Variants in INTU observed in about 807,000 individuals in gnomAD.
INTU encodes the protein inturned planar cell polarity protein.
Under a neutral mutation model 100.5 loss-of-function variants are expected in INTU, and 68 were observed. That is an observed-to-expected ratio of 0.68 (90% CI 0.56 to 0.83). The LOEUF (loss-of-function observed/expected upper bound fraction) is 0.83, where lower values mean the gene tolerates loss of function less well. INTU is among the 40% of genes least tolerant of loss of function. INTU has a pLI of 0.00. For missense variants in INTU, 1,071 were observed against 1,114.7 expected, an observed-to-expected ratio of 0.96 and a Z score of 0.56; for synonymous variants, 357 against 395.7, an observed-to-expected ratio of 0.90 and a Z score of 1.16.
rs1003704724 is a variant in INTU, at chr4:127,706,362, A to G, written c.1789-125A>G. The G allele has an allele frequency of 6.4e-6, 5 of 776,808 alleles. No individual in the cohort carries two copies. The African/African-American group carries it at 7.0e-5, about 11-fold the overall frequency. The allele number at this position is 776,808 out of a possible 1,614,324, so 48.1% of individuals were successfully genotyped here. On this transcript the variant is annotated intron_variant, in intron 11 of 15. Coordinates refer to ENST00000335251, the MANE Select transcript of INTU (RefSeq NM_015693.4). ...AAGGAAAGATGACGGAGGAATTTTTAATAATCATCACATGATTATGCCATA... is the reference window on the plus strand; with the variant it reads ...AAGGAAAGATGACGGAGGAATTTTTGATAATCATCACATGATTATGCCATA...
intron 2 of INTU, among the ~76,000 whole-genome samples, chr4:127,649,681 C>G (rs1727748998): frequency 6.6e-6 from 1 of 152,044 alleles, no homozygotes; most frequent in South Asian, 2.1e-4. Context: ...GGATACTTAG[C>G]CTGTATACAT....
At chr4:127,644,914 TG>T (rs1198022108) in intron 2 of INTU, among the ~76,000 whole-genome samples, 2 of 152,244 alleles carry the variant, frequency 1.3e-5, no homozygotes, top group African/African-American at 4.8e-5. Context: ...TTTGACAGTT[TG>T]TTTTTTTAGC....
chr4:127,724,257 TA>T lies in INTU; in HGVS notation c.*7826del, dbSNP rs1326089509. 6.6e-6 allele frequency: 1 copy of T among 151,972 alleles called. No homozygotes were observed. Among genetic ancestry groups the T allele is most frequent in the Non-Finnish European group, 1.5e-5 (1 of 68,032 alleles). 9.4% of individuals were successfully genotyped at this position (151,972 alleles called of 1,614,324 possible). On this transcript the variant is annotated 3_prime_UTR_variant, in exon 16 of 16. Transcript: ENST00000335251. ...CAACATGGTGAAACCCCATCTCTAC[TA>T]AAAATACAAAAATTAGCTGGGCGTG... is the stretch of plus-strand genomic sequence containing the variant.
chr4:127,704,318 C>T (rs1314360650), intron 10 of INTU, 28 bp downstream of exon 10: 2 of 1,520,664 alleles, frequency 1.3e-6, no homozygotes, highest in South Asian at 2.3e-5. Context: ...GTCTAAATGT[C>T]CAGCTGCTGT....
chr4:127,675,062 T>C (rs575435233), intron 6 of INTU, among the ~76,000 whole-genome samples: 1 of 152,342 alleles, frequency 6.6e-6, no homozygotes, highest in African/African-American at 2.4e-5. Flanking sequence ...CCTAAAGAGA[T>C]AGACTTAACT....
At chr4:127,646,653 T>C (rs1727603166) in intron 2 of INTU, among the ~76,000 whole-genome samples, 1 of 152,176 alleles carries the variant, frequency 6.6e-6, no homozygotes, top group Non-Finnish European at 1.5e-5. Flanking sequence ...CCTTGACATA[T>C]GGTTTAGACA....
At chr4:127,706,369 A>G (rs1730877797) in intron 11 of INTU, 118 bp from the exon 12 acceptor site, 6 of 813,586 alleles carry the variant, frequency 7.4e-6, no homozygotes, top group Non-Finnish European at 1.1e-5. Context: ...TTTAATAATC[A>G]TCACATGATT....
chr4:127,635,046 TG>T (rs1727006826), intron 1 of INTU, among the ~76,000 whole-genome samples: 1 of 152,234 alleles, frequency 6.6e-6, no homozygotes, highest in Non-Finnish European at 1.5e-5. Flanking sequence ...TACTGCATAT[TG>T]ACTCACATAA....
At position 127,713,946 on chromosome 4, in the gene INTU, G is replaced by A; in HGVS notation, c.2570G>A (p.Gly857Glu). Residue 857 changes from glycine (G) to glutamate (E), a missense_variant, in exon 15 of 16, where the codon GGA (glycine) becomes GAA (glutamate). Coordinates refer to ENST00000335251, the MANE Select transcript of INTU (RefSeq NM_015693.4). ...CCTATTAATTTACAGAAAAAGAAAG[G>A]ACTAAATAGTGGAGACCATTCAGAT... Reference protein sequence around the residue: ...QQTLVEEKKKGLNSGDHSDSA... With the variant: ...QQTLVEEKKKELNSGDHSDSA... 6.2e-7 allele frequency: 1 copy of A among 1,602,670 alleles called. No homozygotes were observed. The highest frequency in any genetic ancestry group is 8.5e-7 in the Non-Finnish European group (1 of 1,172,182).
intron 1 of INTU, among the ~76,000 whole-genome samples, chr4:127,638,750 C>T (rs1318373701): frequency 6.6e-6 from 1 of 152,090 alleles, no homozygotes; most frequent in African/African-American, 2.4e-5. Flanking sequence ...TTAAAATGCC[C>T]TAAAACGTTG....
chr4:127,636,383 G>A (rs1182024377), intron 1 of INTU, among the ~76,000 whole-genome samples: 1 of 151,994 alleles, frequency 6.6e-6, no homozygotes, highest in Non-Finnish European at 1.5e-5. Context: ...GGCCGAGGCG[G>A]GCAGATCACC....
intron 14 of INTU, among the ~76,000 whole-genome samples, chr4:127,712,468 T>C (rs1269716934): frequency 6.6e-6 from 1 of 152,152 alleles, no homozygotes; most frequent in African/African-American, 2.4e-5. Flanking sequence ...ATTTAAACAT[T>C]GAGGTACCTA....
intron 5 of INTU, among the ~76,000 whole-genome samples, chr4:127,673,868 A>C (rs1048766568): frequency 6.7e-6 from 1 of 150,238 alleles, no homozygotes; most frequent in Non-Finnish European, 1.5e-5. Context: ...AAGTGCTAGG[A>C]TCATAGGTGT....
chr4:127,670,211 A>C (rs1728860739), intron 5 of INTU, among the ~76,000 whole-genome samples: 1 of 151,784 alleles, frequency 6.6e-6, no homozygotes, highest in Non-Finnish European at 1.5e-5. Flanking sequence ...TATTTCAACA[A>C]TTTTAGACTT....
At chr4:127,674,245 T>G (rs536016344) in intron 6 of INTU, 32 bp downstream of exon 6, 1 of 1,457,284 alleles carries the variant, frequency 6.9e-7, no homozygotes, top group South Asian at 1.2e-5. Context: ...CTTAAAATCA[T>G]TTCCAAATAA....
At chr4:127,651,395 A>G (rs1191696955) in intron 2 of INTU, among the ~76,000 whole-genome samples, 2 of 152,192 alleles carry the variant, frequency 1.3e-5, no homozygotes, top group African/African-American at 2.4e-5. Flanking sequence ...TGATTTTTGT[A>G]TAAGGTGTAA....
rs746844789 is a variant in INTU at position 127,674,166 on chromosome 4, T to C, written c.1134T>C (p.Tyr378=). ...LLNGKQIHVA[Y]WKESDKLLLI... ...ATGGAAAACAAATTCATGTGGCTTA[T>C]TGGAAAGAATCTGACAAGTTGTTGC... Residue 378 remains tyrosine (Y), a synonymous_variant, in exon 6 of 16, where the codon TAT becomes TAC. Coordinates refer to ENST00000335251, the MANE Select transcript of INTU (RefSeq NM_015693.4). 4.3e-6 allele frequency: 7 copies of C among 1,612,468 alleles called. No homozygotes were observed. The South Asian group carries it at 7.7e-5, about 18-fold the overall frequency.
rs376353223 is a variant in INTU, at chr4:127,706,540, T to G, written c.1842T>G (p.Ala614=). ...LLEAGGCASK[A]IGSPGPDCVY... Reference sequence around the variant, plus strand: ...AAGCTGGAGGTTGCGCATCCAAAGCTATTGGGAGTCCTGGACCAGACTGTG... The same window carrying G: ...AAGCTGGAGGTTGCGCATCCAAAGCGATTGGGAGTCCTGGACCAGACTGTG... Residue 614 remains alanine (A), a synonymous_variant, in exon 12 of 16, where the codon GCT becomes GCG. Transcript: ENST00000335251. The G allele has an allele frequency of 6.2e-7, 1 of 1,613,824 alleles. No homozygotes were observed. Among genetic ancestry groups the G allele is most frequent in the African/African-American group, 1.3e-5 (1 of 74,920 alleles).
At chr4:127,657,764 G>C (rs1728300510) in intron 3 of INTU, among the ~76,000 whole-genome samples, 1 of 151,850 alleles carries the variant, frequency 6.6e-6, no homozygotes, top group Non-Finnish European at 1.5e-5. Context: ...GGACCATCTA[G>C]TTGCAGGAAA....
Sources: gnomAD v4.1 joint callset for allele counts (sites outside exome capture counted in the v4.1 genomes callset) on GRCh38, gnomAD v4.1.1 for gene constraint, MANE v1.5 for transcripts, NCBI Gene and HGNC (gene_info 2026-07-23, HGNC 2026-07-21) for gene names.